The following MYO1H variants were observed in gnomAD, a reference collection of about 807,000 sequenced individuals.
MYO1H encodes the protein unconventional myosin-Ih.
MYO1H carries 118 observed loss-of-function variants against 149.3 expected under a neutral mutation model. The ratio of observed to expected loss-of-function variants is 0.79; its 90% CI spans 0.68 to 0.92. The LOEUF (loss-of-function observed/expected upper bound fraction) is 0.92. MYO1H is among the 40% of genes least tolerant of loss of function. MYO1H has a pLI of 0.00. For missense variants in MYO1H, 1,212 were observed against 1,280.7 expected, an observed-to-expected ratio of 0.95 and a Z score of 0.82; for synonymous variants, 447 against 465.2, an observed-to-expected ratio of 0.96 and a Z score of 0.50.
chr12:109,345,547 T>A (rs765823359), upstream of MYO1H, among the ~76,000 whole-genome samples: 4 of 152,148 alleles, frequency 2.6e-5, no homozygotes, highest in Non-Finnish European at 4.4e-5. Flanking sequence ...GAAAACAGTT[T>A]GGCAGGTCCT....
exon 10 of MYO1H, chr12:109,407,832 T>C (rs774874170): frequency 6.2e-7 from 1 of 1,613,732 alleles, no homozygotes; most frequent in Non-Finnish European, 8.5e-7. Context: ...CTGTCTACGC[T>C]AGAGATGCAA....
chr12:109,327,661 A>T, the MYO1H span, among the ~76,000 whole-genome samples: 1 of 145,440 alleles, frequency 6.9e-6, no homozygotes, highest in African/African-American at 2.6e-5. Context: ...CAGGAGAATC[A>T]CTTGAACCCA....
chr12:109,333,425 C>A, the MYO1H span, among the ~76,000 whole-genome samples: 1 of 152,108 alleles, frequency 6.6e-6, no homozygotes, highest in Non-Finnish European at 1.5e-5. Context: ...CCTTCTCTTG[C>A]TTGTTTGTGC....
the MYO1H span, among the ~76,000 whole-genome samples, chr12:109,326,905 C>G: frequency 1.3e-5 from 2 of 152,034 alleles, no homozygotes. Flanking sequence ...TTTGGAAAAT[C>G]TATTCTGCCA....
exon 23 of MYO1H, chr12:109,438,540 C>G: frequency 6.2e-7 from 1 of 1,612,798 alleles, no homozygotes; most frequent in Non-Finnish European, 8.5e-7. Flanking sequence ...TTTCAGCCAT[C>G]AAACTGGAAG....
intron 1 of MYO1H, among the ~76,000 whole-genome samples, chr12:109,369,556 C>G (rs1332586684): frequency 6.6e-6 from 1 of 152,176 alleles, no homozygotes; most frequent in Middle Eastern, 3.2e-3. Flanking sequence ...TTAAAAATCT[C>G]TCTCTCACAC....
At chr12:109,380,097 G>A (rs1244966701) in intron 1 of MYO1H, among the ~76,000 whole-genome samples, 1 of 151,586 alleles carries the variant, frequency 6.6e-6, no homozygotes, top group Non-Finnish European at 1.5e-5. Flanking sequence ...GTCTCGCTTT[G>A]TTGCCCACGC....
intron 20 of MYO1H, among the ~76,000 whole-genome samples, chr12:109,433,693 C>T (rs940667367): frequency 3.3e-5 from 5 of 152,214 alleles, no homozygotes; most frequent in South Asian, 2.1e-4. Flanking sequence ...TCGTCTGGGC[C>T]GCCTTGGCCT....
At position 109,411,980 on chromosome 12, in the gene MYO1H, C is replaced by T. The variant is rs1196201319; in HGVS notation, c.1497C>T (p.Phe499=). 21 of 1,586,988 alleles carry T rather than the reference C, an allele frequency of 1.3e-5. 1 individual carries two copies. The highest frequency in any genetic ancestry group is 6.9e-5 in the South Asian group (6 of 86,528). Residue 499 remains phenylalanine, a synonymous_variant, in exon 14 of 32, where the codon TTC becomes TTT. Transcript: ENST00000310903. ...AGAAAGTGGGCAAACATGCACACTT[C>T]GAAACGTACATACTTTATTTTACCA...
At chr12:109,338,171 C>T in the MYO1H span, among the ~76,000 whole-genome samples, 2 of 152,132 alleles carry the variant, frequency 1.3e-5, no homozygotes, top group African/African-American at 2.4e-5. Context: ...TGAGCTCAAG[C>T]GATCCTCCTG....
chr12:109,408,504 A>G (rs1355443729), intron 10 of MYO1H, among the ~76,000 whole-genome samples: 1 of 152,200 alleles, frequency 6.6e-6, no homozygotes, highest in Non-Finnish European at 1.5e-5. Context: ...TTCACCTGAC[A>G]TTTTAAAAAT....
At chr12:109,365,738 A>T (rs1566019228) in intron 1 of MYO1H, among the ~76,000 whole-genome samples, 1 of 152,224 alleles carries the variant, frequency 6.6e-6, no homozygotes, top group South Asian at 2.1e-4. Context: ...ACCATGGCCC[A>T]GAGCCAACAT....
chr12:109,342,408 G>A, the MYO1H span, among the ~76,000 whole-genome samples: 32 of 151,360 alleles, frequency 2.1e-4, no homozygotes, highest in African/African-American at 7.8e-4. Flanking sequence ...GCCTCCCGAA[G>A]TGTTGGGATT....
chr12:109,411,758 C>G (rs532146925), intron 13 of MYO1H, 136 bp from the exon 14 acceptor site: 31 of 590,054 alleles, frequency 5.3e-5, no homozygotes, highest in Non-Finnish European at 7.7e-5. Context: ...TTCTTCCCCC[C>G]AGAATGTTCA....
At chr12:109,439,352 T>C (rs886706395) in intron 23 of MYO1H, among the ~76,000 whole-genome samples, 3 of 152,224 alleles carry the variant, frequency 2.0e-5, no homozygotes, top group African/African-American at 4.8e-5. Context: ...ATGCTGGGAT[T>C]ACAGGCATGA....
chr12:109,332,371 G>T, the MYO1H span, among the ~76,000 whole-genome samples: 1 of 152,098 alleles, frequency 6.6e-6, no homozygotes, highest in Admixed American at 6.6e-5. Flanking sequence ...GTTTCATCCC[G>T]GGCTTGTGGC....
Position 109,388,845 on chromosome 12 carries a change from G to A in MYO1H, c.174+1G>A, listed in dbSNP as rs761800185. The A allele has an allele frequency of 4.4e-6, 7 of 1,602,062 alleles. No individual in the cohort carries two copies. Among genetic ancestry groups the A allele is most frequent in the African/African-American group, 1.3e-5 (1 of 74,580 alleles). On this transcript the variant is annotated splice_donor_variant, in intron 2 of 31. Transcript: ENST00000310903. LOFTEE classifies it high-confidence loss of function. Reference sequence around the variant, plus strand: ...GCGTTTCAGCGAGAACCTCATATACGTAACGTGACCCACTTCTCAGCTGTT... The same window carrying A: ...GCGTTTCAGCGAGAACCTCATATACATAACGTGACCCACTTCTCAGCTGTT...
chr12:109,425,610 G>A (rs556676311), intron 17 of MYO1H, among the ~76,000 whole-genome samples: 5 of 152,278 alleles, frequency 3.3e-5, no homozygotes, highest in African/African-American at 1.2e-4. Context: ...TGAAGGACAC[G>A]TGTCAACAAA....
At chr12:109,431,910 T>C (rs1871637493) in intron 19 of MYO1H, among the ~76,000 whole-genome samples, 1 of 150,820 alleles carries the variant, frequency 6.6e-6, no homozygotes, top group African/African-American at 2.4e-5. Flanking sequence ...CTCAACCTCC[T>C]GGACTCAAGC....
Sources: gnomAD v4.1 joint callset for allele counts (sites outside exome capture counted in the v4.1 genomes callset) on GRCh38, gnomAD v4.1.1 for gene constraint, MANE v1.5 for transcripts, NCBI Gene and HGNC (gene_info 2026-07-23, HGNC 2026-07-21) for gene names.